Variants in GDPD1 observed in about 807,000 individuals in gnomAD.
GDPD1 encodes lysophospholipase D GDPD1.
Under a neutral mutation model 45.1 loss-of-function variants are expected in GDPD1, and 28 were observed. The observed-to-expected ratio is 0.62, with a 90% CI of 0.46 to 0.85. The LOEUF is 0.85. Among genes scored for constraint, GDPD1 ranks in the 40% least tolerant of loss-of-function variants. GDPD1 has a pLI of 0.00. For missense variants in GDPD1, 256 were observed against 364.8 expected (o/e 0.70, Z 2.43); for synonymous variants, 139 against 131.4 (o/e 1.06, Z -0.40).
chr17:59,270,910 G>T, intron 7 of GDPD1, 26 bp from the exon 8 acceptor site: 1 of 1,481,312 alleles, frequency 6.8e-7, no homozygotes, highest in Non-Finnish European at 9.3e-7. Context: ...TTTCTAATTT[G>T]TAATTCAAAC....
At chr17:59,237,345 G>A (rs973145061) in intron 2 of GDPD1, among the ~76,000 whole-genome samples, 1 of 152,138 alleles carries the variant, frequency 6.6e-6, no homozygotes, top group South Asian at 2.1e-4. Context: ...AGGTTACAGT[G>A]AGCCGAGATG....
At chr17:59,253,447 TC>T (rs1327609729) in intron 4 of GDPD1, among the ~76,000 whole-genome samples, 1 of 152,106 alleles carries the variant, frequency 6.6e-6, no homozygotes, top group Non-Finnish European at 1.5e-5. Flanking sequence ...CAAGCAATCT[TC>T]CCACCTCAGC....
intron 1 of GDPD1, among the ~76,000 whole-genome samples, chr17:59,228,644 A>G (rs746878947): frequency 2.0e-5 from 3 of 151,966 alleles, no homozygotes; most frequent in Non-Finnish European, 4.4e-5. Flanking sequence ...CAGCACTGTG[A>G]AGCTGAGGCA....
At chr17:59,252,623 G>A (rs1427318129) in intron 4 of GDPD1, among the ~76,000 whole-genome samples, 4 of 152,126 alleles carry the variant, frequency 2.6e-5, no homozygotes, top group African/African-American at 4.8e-5. Context: ...ACTTGAACCC[G>A]GGAGGCAGAT....
rs554126131 is a variant in GDPD1 at position 59,250,303 on chromosome 17, C to G, written c.367+1518C>G. ...TTTTCCTATTTTTCACTTTGTAGAG[C>G]AAAGCCAAAGAAAGCCCCATAAAAA... On this transcript the variant is annotated intron_variant, in intron 4 of 9. Transcript: ENST00000284116. 9.9e-5 allele frequency among the ~76,000 whole-genome samples: 15 copies of G among 152,098 alleles called. No individual in the cohort carries two copies. The East Asian group carries it at 2.7e-3, about 27-fold the overall frequency.
intron 3 of GDPD1, among the ~76,000 whole-genome samples, chr17:59,248,227 C>T (rs548498604): frequency 5.3e-5 from 8 of 151,774 alleles, no homozygotes; most frequent in Admixed American, 1.3e-4. Context: ...TGAGCTCAGA[C>T]GATCAAGGCT....
chr17:59,258,992 T>G (rs1250277865), intron 6 of GDPD1, among the ~76,000 whole-genome samples: 3 of 151,380 alleles, frequency 2.0e-5, no homozygotes, highest in Non-Finnish European at 2.9e-5. Flanking sequence ...AATTTTCTTT[T>G]GCCTGTAACA....
Position 59,270,920 on chromosome 17 carries a change from C to G in GDPD1, c.711-16C>G, listed in dbSNP as rs751481871. ...CTGTGTTTCTAATTTGTAATTCAAA[C>G]TTTATTTTACCCTAGGCTAAAAGAA... On this transcript the variant is annotated splice_polypyrimidine_tract_variant and intron_variant, in intron 7 of 9. Transcript: ENST00000284116. 2 of 1,552,998 alleles carry G rather than the reference C, an allele frequency of 1.3e-6. No individual in the cohort carries two copies. The highest frequency in any genetic ancestry group is 2.4e-5 in the South Asian group (2 of 84,960).
chr17:59,239,888 A>C (rs552282687), intron 2 of GDPD1, among the ~76,000 whole-genome samples: 1 of 151,104 alleles, frequency 6.6e-6, no homozygotes, highest in Non-Finnish European at 1.5e-5. Context: ...GCATGCCTCC[A>C]TGCCCGGCTA....
intron 4 of GDPD1, among the ~76,000 whole-genome samples, chr17:59,254,089 C>T (rs1281203694): frequency 6.7e-6 from 1 of 148,720 alleles, no homozygotes; most frequent in Non-Finnish European, 1.5e-5. Context: ...GGGCCGGGTG[C>T]GGTGGCTCAC....
chr17:59,235,375 CTAT>C, intron 2 of GDPD1, among the ~76,000 whole-genome samples: 2 of 152,022 alleles, frequency 1.3e-5, no homozygotes, highest in South Asian at 4.2e-4. Context: ...ATTATTTTTC[CTAT>C]TATTATTAGG....
chr17:59,268,321 A>G (rs1277397941), intron 7 of GDPD1, among the ~76,000 whole-genome samples: 1 of 152,102 alleles, frequency 6.6e-6, no homozygotes, highest in Non-Finnish European at 1.5e-5. Flanking sequence ...TCACGCCTGT[A>G]ATCCCAGCAC....
intron 1 of GDPD1, among the ~76,000 whole-genome samples, chr17:59,221,784 A>G (rs1158821411): frequency 6.6e-6 from 1 of 152,206 alleles, no homozygotes; most frequent in African/African-American, 2.4e-5. Flanking sequence ...TTTGCTTGAA[A>G]TTTAATACAC....
At chr17:59,232,449 C>CA (rs917597664) in intron 1 of GDPD1, among the ~76,000 whole-genome samples, 1,638 of 94,498 alleles carry the variant, frequency 0.017, 13 homozygotes, top group African/African-American at 0.039. Context: ...GACTCCGTCT[C>CA]AAAAAAAAAA....
chr17:59,228,225 C>A (rs915715723), intron 1 of GDPD1, among the ~76,000 whole-genome samples: 1 of 147,114 alleles, frequency 6.8e-6, no homozygotes, highest in African/African-American at 2.5e-5. Flanking sequence ...AATATTAACT[C>A]ATTTGATTAT....
intron 4 of GDPD1, chr17:59,249,108 A>G: frequency 5.8e-6 from 1 of 173,034 alleles, no homozygotes; most frequent in Non-Finnish European, 1.2e-5. Context: ...ATAAATGAAA[A>G]GGGCTGGGCA....
intron 1 of GDPD1, among the ~76,000 whole-genome samples, chr17:59,223,493 G>T (rs1378473396): frequency 6.6e-6 from 1 of 152,156 alleles, no homozygotes; most frequent in Non-Finnish European, 1.5e-5. Context: ...AACTAGGAAG[G>T]AATCACTCCA....
chr17:59,266,314 G>A (rs2047398833), intron 6 of GDPD1, among the ~76,000 whole-genome samples: 1 of 151,010 alleles, frequency 6.6e-6, no homozygotes, highest in Non-Finnish European at 1.5e-5. Flanking sequence ...CTTGAACTCA[G>A]GAGGCAGAGG....
intron 2 of GDPD1, among the ~76,000 whole-genome samples, chr17:59,244,183 T>C (rs1483622874): frequency 8.2e-6 from 1 of 122,342 alleles, no homozygotes; most frequent in East Asian, 2.4e-4. Context: ...GGGTTTTATA[T>C]GTTGGGATAC....
Sources: allele counts gnomAD v4.1 joint callset (sites outside exome capture counted in the v4.1 genomes callset), GRCh38; gene constraint gnomAD v4.1.1; transcripts MANE v1.5; gene names NCBI Gene and HGNC (gene_info 2026-07-23, HGNC 2026-07-21).